The following AKAP7 variants were observed in gnomAD, a reference collection of about 807,000 sequenced individuals.
AKAP7 encodes the protein A-kinase anchoring protein 7.
Under a neutral mutation model 39.5 loss-of-function variants are expected in AKAP7, and 39 were observed. That is an observed-to-expected ratio of 0.99 (90% CI 0.76 to 1.29). The LOEUF is 1.29. Ranked by LOEUF, AKAP7 falls within the 50% of genes most tolerant of loss-of-function variation. The probability of loss-of-function intolerance (pLI) is 0.00; values close to 1 mark genes in which losing one functional copy is unlikely to be tolerated. For synonymous variants in AKAP7, 140 were observed against 139.1 expected (o/e 1.01, Z -0.05); for missense variants, 414 against 407.7 (o/e 1.02, Z -0.13).
chr6:131,138,877 TA>T (rs79519535), intron 1 of AKAP7, among the ~76,000 whole-genome samples: 29,799 of 152,178 alleles, frequency 0.2, 3,489 homozygotes, highest in Non-Finnish European at 0.26. Context: ...GTAACAGACA[TA>T]TTAATAGTTT....
At chr6:131,209,795 G>A (rs1276678620) in intron 6 of AKAP7, among the ~76,000 whole-genome samples, 1 of 150,596 alleles carries the variant, frequency 6.6e-6, no homozygotes, top group Non-Finnish European at 1.5e-5. Flanking sequence ...CAAGGACAAA[G>A]TGGAACATCA....
intron 7 of AKAP7, among the ~76,000 whole-genome samples, chr6:131,278,884 T>C (rs907625715): frequency 6.6e-6 from 1 of 152,162 alleles, no homozygotes; most frequent in African/African-American, 2.4e-5. Context: ...GTAGATGGTA[T>C]TCTAATTGCT....
intron 6 of AKAP7, among the ~76,000 whole-genome samples, chr6:131,211,226 ATTATC>A (rs1412478152): frequency 2.6e-5 from 4 of 152,052 alleles, no homozygotes; most frequent in Non-Finnish European, 5.9e-5. Context: ...TTTGCATTCT[ATTATC>A]TTAAGATACA....
intron 1 of AKAP7, among the ~76,000 whole-genome samples, chr6:131,142,572 T>C (rs552332803): frequency 6.6e-6 from 1 of 152,330 alleles, no homozygotes; most frequent in African/African-American, 2.4e-5. Flanking sequence ...GCCTGGGTGC[T>C]CAGGCAGAAG....
chr6:131,185,303 C>A (rs537061314), intron 5 of AKAP7: 3 of 482,220 alleles, frequency 6.2e-6, no homozygotes, highest in African/African-American at 2.0e-5. Flanking sequence ...AATCCTAGAA[C>A]CTGGTTACTT....
chr6:131,162,701 T>C (rs558388143), intron 3 of AKAP7, among the ~76,000 whole-genome samples: 1 of 152,284 alleles, frequency 6.6e-6, no homozygotes, highest in East Asian at 1.9e-4. Flanking sequence ...TCCTTGGGCT[T>C]GCCAGGTTCC....
chr6:131,224,175 T>G (rs1232755514), intron 7 of AKAP7, among the ~76,000 whole-genome samples: 2 of 151,024 alleles, frequency 1.3e-5, no homozygotes, highest in African/African-American at 2.4e-5. Context: ...AAGTGATAAT[T>G]TATTGTTATA....
At chr6:131,219,888 C>CT (rs1809553229) in intron 7 of AKAP7, 80 bp downstream of exon 7, 1 of 1,000,836 alleles carries the variant, frequency 1.0e-6, no homozygotes, top group South Asian at 2.3e-5. Context: ...AATATTTAAA[C>CT]TTAGTTGTAT....
intron 7 of AKAP7, among the ~76,000 whole-genome samples, chr6:131,236,329 C>T (rs1276412932): frequency 4.9e-4 from 74 of 152,116 alleles, no homozygotes. Flanking sequence ...AGTTCGAAGT[C>T]AGGTAGTGTG....
At chr6:131,130,167 G>T in the AKAP7 span, among the ~76,000 whole-genome samples, 1 of 152,180 alleles carries the variant, frequency 6.6e-6, no homozygotes, top group African/African-American at 2.4e-5. Context: ...TGCCCTCTGG[G>T]GGAAATGGGG....
intron 7 of AKAP7, among the ~76,000 whole-genome samples, chr6:131,270,728 C>T (rs1161307613): frequency 6.6e-6 from 1 of 152,222 alleles, no homozygotes; most frequent in Non-Finnish European, 1.5e-5. Flanking sequence ...TCCTCACCAA[C>T]ACTTAGTATT....
At chr6:131,179,881 AAATAAATAAATAAAT>A (rs1188717963) in intron 5 of AKAP7, among the ~76,000 whole-genome samples, 2 of 151,532 alleles carry the variant, frequency 1.3e-5, no homozygotes, top group African/African-American at 2.4e-5. Context: ...ATAAATAAAT[AAATAAATAAATAAAT>A]AATAAATAAA....
At chr6:131,251,010 A>G (rs1463314199) in intron 7 of AKAP7, among the ~76,000 whole-genome samples, 1 of 152,220 alleles carries the variant, frequency 6.6e-6, no homozygotes, top group African/African-American at 2.4e-5. Context: ...TTTCAGAGCA[A>G]TGCTCAACAG....
At chr6:131,126,120 C>G in the AKAP7 span, among the ~76,000 whole-genome samples, 1 of 152,130 alleles carries the variant, frequency 6.6e-6, no homozygotes, top group African/African-American at 2.4e-5. Flanking sequence ...AGTTATATTT[C>G]TGGACAAATT....
At chr6:131,129,098 C>T in the AKAP7 span, among the ~76,000 whole-genome samples, 1 of 151,880 alleles carries the variant, frequency 6.6e-6, no homozygotes, top group South Asian at 2.1e-4. Flanking sequence ...ACCAGCCTAG[C>T]CAACATGGTG....
At chr6:131,178,985 A>C (rs1804846645) in intron 5 of AKAP7, among the ~76,000 whole-genome samples, 1 of 151,936 alleles carries the variant, frequency 6.6e-6, no homozygotes, top group African/African-American at 2.4e-5. Context: ...AGATCTTCTG[A>C]AAATGCCTGA....
chr6:131,148,099 G>T (rs1433865057), intron 2 of AKAP7, among the ~76,000 whole-genome samples: 2 of 152,194 alleles, frequency 1.3e-5, no homozygotes, highest in Non-Finnish European at 2.9e-5. Context: ...CAGAGGATGT[G>T]CATTGGAGGG....
chr6:131,250,543 A>G (rs374782812), intron 7 of AKAP7: 3 of 1,613,984 alleles, frequency 1.9e-6, no homozygotes, highest in African/African-American at 2.7e-5. Context: ...GAAGAACACC[A>G]GGAAAGACAG....
intron 7 of AKAP7, among the ~76,000 whole-genome samples, chr6:131,227,731 A>G (rs74962867): frequency 0.031 from 4,656 of 152,308 alleles, 226 homozygotes; most frequent in African/African-American, 0.11. Flanking sequence ...AATGTGTCCA[A>G]TGCTAAATAG....
Sources: allele counts gnomAD v4.1 joint callset (sites outside exome capture counted in the v4.1 genomes callset), GRCh38; gene constraint gnomAD v4.1.1; transcripts MANE v1.5; gene names NCBI Gene and HGNC (gene_info 2026-07-23, HGNC 2026-07-21).